The following TMC5 variants were observed in gnomAD, a reference collection of about 807,000 sequenced individuals.
TMC5 encodes the protein transmembrane channel like 5, also known as transmembrane channel-like protein 5.
Under a neutral mutation model 110.5 loss-of-function variants are expected in TMC5, and 86 were observed. The observed-to-expected ratio is 0.78, with a 90% CI of 0.65 to 0.93. The LOEUF (loss-of-function observed/expected upper bound fraction) is 0.93, where lower values mean the gene tolerates loss of function less well. TMC5 is among the 40% of genes least tolerant of loss of function. The pLI, the probability that TMC5 is intolerant of heterozygous loss-of-function variation, is 0.00. For synonymous variants in TMC5, 455 were observed against 439.5 expected (o/e 1.04, Z -0.44); for missense variants, 1,144 against 1,222.8 (o/e 0.94, Z 0.96).
intron 5 of TMC5, among the ~76,000 whole-genome samples, chr16:19,455,817 C>G (rs1268110087): frequency 1.3e-5 from 2 of 152,166 alleles, no homozygotes; most frequent in Non-Finnish European, 2.9e-5. Flanking sequence ...GAGAGCCAGA[C>G]AAATAGCAGA....
At chr16:19,474,024 G>T (rs1268230516) in intron 11 of TMC5, 101 bp from the exon 12 acceptor site, 14 of 1,106,312 alleles carry the variant, frequency 1.3e-5, no homozygotes, top group Non-Finnish European at 1.8e-5. Context: ...AACCGCAGAG[G>T]AGCTACTTCT....
intron 1 of TMC5, among the ~76,000 whole-genome samples, chr16:19,425,538 C>T (rs971995632): frequency 1.3e-5 from 2 of 152,212 alleles, no homozygotes; most frequent in East Asian, 3.9e-4. Context: ...TACTCATTCT[C>T]TTTGTTGGGT....
At chr16:19,429,361 T>C (rs1967149794) in intron 1 of TMC5, among the ~76,000 whole-genome samples, 1 of 152,254 alleles carries the variant, frequency 6.6e-6, no homozygotes, top group South Asian at 2.1e-4. Flanking sequence ...ATTTAGAGAC[T>C]ATTGACATTA....
chr16:19,486,073 T>G (rs559366659), intron 15 of TMC5, among the ~76,000 whole-genome samples: 1 of 152,330 alleles, frequency 6.6e-6, no homozygotes, highest in African/African-American at 2.4e-5. Context: ...AGAAGGCAGC[T>G]GAGGATACTG....
rs1348928966 is a variant in TMC5 at position 19,492,209 on chromosome 16, T to C, written c.2807T>C (p.Leu936Pro). The C allele has an allele frequency of 6.2e-7, 1 of 1,613,462 alleles. No homozygotes were observed. Among genetic ancestry groups the C allele is most frequent in the Non-Finnish European group, 8.5e-7 (1 of 1,179,448 alleles). The change falls in exon 19 of 22, where the codon CTC (leucine) becomes CCC (proline). Residue 936 changes from leucine (L) to proline (P), a missense_variant. Transcript: ENST00000542583. ...GGAAGGAAGATTATGATAAGGCTGC[T>C]CCATGAGCAGATCATTAATGTAAGT... ...TEGRKIMIRL[L>P]HEQIINEGKD... is the part of the protein sequence containing the mutation.
chr16:19,432,524 A>T (rs1967215612), intron 2 of TMC5, among the ~76,000 whole-genome samples: 1 of 152,250 alleles, frequency 6.6e-6, no homozygotes, highest in African/African-American at 2.4e-5. Context: ...AATAGTTAAC[A>T]GGAAGCTAAG....
intron 6 of TMC5, among the ~76,000 whole-genome samples, chr16:19,461,367 A>G (rs1482742154): frequency 1.3e-5 from 2 of 152,074 alleles, no homozygotes; most frequent in African/African-American, 4.8e-5. Context: ...TGAGGTCAGG[A>G]GTTTGAGACC....
chr16:19,494,863 GC>G (rs1266427855), intron 20 of TMC5, among the ~76,000 whole-genome samples: 1 of 151,984 alleles, frequency 6.6e-6, no homozygotes, highest in Admixed American at 6.6e-5. Flanking sequence ...TTTTCTAGGT[GC>G]TGGGGTTACG....
intron 15 of TMC5, among the ~76,000 whole-genome samples, chr16:19,485,394 G>C (rs1211849473): frequency 6.6e-6 from 1 of 152,018 alleles, no homozygotes; most frequent in East Asian, 1.9e-4. Flanking sequence ...TCCCAACATC[G>C]GCAATCTTCC....
intron 5 of TMC5, among the ~76,000 whole-genome samples, chr16:19,455,993 G>A (rs1197145877): frequency 2.0e-5 from 3 of 152,144 alleles, no homozygotes; most frequent in Non-Finnish European, 4.4e-5. Flanking sequence ...GGATCACGAG[G>A]TCAGGAGATC....
intron 5 of TMC5, among the ~76,000 whole-genome samples, chr16:19,459,807 C>T (rs1008679930): frequency 2.1e-5 from 3 of 146,142 alleles, no homozygotes; most frequent in African/African-American, 5.1e-5. Context: ...AATCACAACA[C>T]TTTGGGAGGC....
intron 20 of TMC5, among the ~76,000 whole-genome samples, chr16:19,496,887 C>CAAAAAAAAAAAAAAAAAAAA (rs67040638): frequency 7.5e-5 from 6 of 80,220 alleles, no homozygotes; most frequent in African/African-American, 3.1e-4. Context: ...AAGACTCTGT[C>CAAAAAAAAAAAAAAAAAAAA]AAAAAAAAAA....
intron 5 of TMC5, among the ~76,000 whole-genome samples, chr16:19,453,116 A>G (rs556559791): frequency 7.2e-5 from 11 of 151,980 alleles, no homozygotes; most frequent in African/African-American, 2.4e-4. Context: ...TGTCTTCATC[A>G]TTTTGCTTTG....
rs780430728 is a variant in TMC5 at position 19,466,099 on chromosome 16, A to G, written c.1503A>G (p.Thr501=). ...CCTTTCAGGGTTATTTTAGGGACACAGTGATGTACTATGGCTTTTACACCA... is the reference window on the plus strand; with the variant it reads ...CCTTTCAGGGTTATTTTAGGGACACGGTGATGTACTATGGCTTTTACACCA... The part of the protein sequence containing the change: ...FFTGVGYFRD[T]VMYYGFYTNS... Residue 501 remains threonine (T), a synonymous_variant, in exon 9 of 22, where the codon ACA becomes ACG. Transcript: ENST00000542583. 1 of 1,613,974 alleles carries G rather than the reference A, an allele frequency of 6.2e-7. No homozygotes were observed. The highest frequency in any genetic ancestry group is 1.7e-5 in the Admixed American group (1 of 59,978).
upstream of TMC5, among the ~76,000 whole-genome samples, chr16:19,417,036 G>T (rs987795023): frequency 7.7e-5 from 11 of 143,400 alleles, no homozygotes. Flanking sequence ...GGAGGTTGCA[G>T]TGAGCCCAGA....
intron 15 of TMC5, among the ~76,000 whole-genome samples, chr16:19,481,964 C>G (rs998395812): frequency 6.6e-6 from 1 of 152,200 alleles, no homozygotes; most frequent in Non-Finnish European, 1.5e-5. Flanking sequence ...CTGGGAATCA[C>G]TAAGCAGGGC....
intron 11 of TMC5, among the ~76,000 whole-genome samples, chr16:19,473,243 G>A (rs915463810): frequency 1.3e-5 from 2 of 149,930 alleles, no homozygotes; most frequent in Non-Finnish European, 3.0e-5. Context: ...CTACTCGGGA[G>A]GCTAAGGCAG....
At chr16:19,449,735 G>C in intron 5 of TMC5, 104 bp downstream of exon 5, 1 of 1,031,304 alleles carries the variant, frequency 9.7e-7, no homozygotes, top group Non-Finnish European at 1.5e-6. Context: ...TGGATCATGG[G>C]GGTGGTTTCC....
At chr16:19,452,918 C>G (rs1052012185) in intron 5 of TMC5, among the ~76,000 whole-genome samples, 1 of 151,808 alleles carries the variant, frequency 6.6e-6, no homozygotes, top group African/African-American at 2.4e-5. Flanking sequence ...GAGAGAGATT[C>G]TGTTTTCTGA....
Sources: allele counts gnomAD v4.1 joint callset (sites outside exome capture counted in the v4.1 genomes callset), GRCh38; gene constraint gnomAD v4.1.1; transcripts MANE v1.5; gene names NCBI Gene and HGNC (gene_info 2026-07-23, HGNC 2026-07-21).